Variants in CEP85L observed in about 807,000 individuals in gnomAD.
CEP85L encodes the protein centrosomal protein 85L.
In CEP85L, 60 loss-of-function variants were observed where a neutral mutation model predicts 100.3. That is an observed-to-expected ratio of 0.60 (90% CI 0.49 to 0.74). CEP85L has a LOEUF of 0.74. Ranked by LOEUF, CEP85L falls within the 30% of genes least tolerant of loss-of-function variation. The pLI is 0.00. For missense variants in CEP85L, 973 were observed against 936.2 expected (o/e 1.04, Z -0.51); for synonymous variants, 319 against 322.7 (o/e 0.99, Z 0.12).
rs374497788 is a variant in CEP85L at position 118,511,322 on chromosome 6, C to T, written c.1233G>A (p.Glu411=). The change falls in exon 5 of 13, where the codon GAG becomes GAA. Residue 411 remains glutamate (E), a synonymous_variant. Transcript: ENST00000368491. ...CCTGCAAACTAGCCACATAAGAATC[C>T]TCACAATTTACATAATGTCCTAACA... ...HAMLGHYVNC[E]DSYVASLQPQ... 9.3e-6 allele frequency: 15 copies of T among 1,611,990 alleles called. No homozygotes were observed. The African/African-American group carries it at 2.0e-4, about 22-fold the overall frequency.
chr6:118,477,413 A>T (rs1015029212), intron 10 of CEP85L, among the ~76,000 whole-genome samples: 1 of 152,204 alleles, frequency 6.6e-6, no homozygotes, highest in African/African-American at 2.4e-5. Context: ...CCAGTGACCT[A>T]TAACAGATAA....
At chr6:118,646,612 T>G (rs1775211335) in intron 1 of CEP85L, among the ~76,000 whole-genome samples, 2 of 151,622 alleles carry the variant, frequency 1.3e-5, no homozygotes, top group African/African-American at 4.9e-5. Context: ...GAGGTTGCTG[T>G]GAGCCGAGAT....
intron 1 of CEP85L, among the ~76,000 whole-genome samples, chr6:118,637,572 G>C (rs185904662): frequency 1.5e-3 from 220 of 150,692 alleles, no homozygotes; most frequent in African/African-American, 5.2e-3. Flanking sequence ...AAATGCCTCT[G>C]TGCATGGTGG....
intron 2 of CEP85L, among the ~76,000 whole-genome samples, chr6:118,590,669 C>CT (rs1476826599): frequency 6.6e-6 from 1 of 152,122 alleles, no homozygotes; most frequent in Non-Finnish European, 1.5e-5. Context: ...TGGAGCCCCC[C>CT]TCCATCTCTG....
At chr6:118,574,522 AT>A (rs967153780) in intron 2 of CEP85L, among the ~76,000 whole-genome samples, 17 of 152,304 alleles carry the variant, frequency 1.1e-4, no homozygotes, top group East Asian at 5.8e-4. Flanking sequence ...CCCATCTGGG[AT>A]ATCATTCTCC....
At chr6:118,484,023 A>ATTCAC (rs771774650) in intron 6 of CEP85L, among the ~76,000 whole-genome samples, 165 bp from the exon 7 acceptor site, 178 of 152,212 alleles carry the variant, frequency 1.2e-3, no homozygotes, top group Non-Finnish European at 2.0e-3. Flanking sequence ...TCTAAGATTT[A>ATTCAC]CACTTGCCGG....
chr6:118,648,464 G>A (rs1322108649), intron 1 of CEP85L, among the ~76,000 whole-genome samples: 2 of 152,012 alleles, frequency 1.3e-5, no homozygotes, highest in East Asian at 1.9e-4. Context: ...TCTATAAGCC[G>A]GGCGCGGTGG....
At position 118,483,456 on chromosome 6, in the gene CEP85L, G is replaced by T. The variant is rs560417474; in HGVS notation, c.1590+250C>A. Among the ~76,000 whole-genome samples, 4 of 152,214 alleles carry T rather than the reference G, an allele frequency of 2.6e-5. No homozygotes were observed. The South Asian group carries it at 6.2e-4, about 24-fold the overall frequency. On this transcript the variant is annotated intron_variant, in intron 7 of 12. Transcript: ENST00000368491. ...CATGTGTATGGGGTAGAGGTTGGCA[G>T]ACTGGTTTAGAAACTAACTTCTACA...
At chr6:118,478,052 A>T (rs1354658991) in intron 10 of CEP85L, among the ~76,000 whole-genome samples, 1 of 152,132 alleles carries the variant, frequency 6.6e-6, no homozygotes. Flanking sequence ...AAGGAAGTAG[A>T]AAGTGAAGGG....
intron 2 of CEP85L, among the ~76,000 whole-genome samples, chr6:118,621,685 C>T (rs1388046779): frequency 6.6e-6 from 1 of 152,180 alleles, no homozygotes; most frequent in Admixed American, 6.5e-5. Flanking sequence ...CTGCCAACAA[C>T]AAATTAAATA....
At chr6:118,574,805 A>G (rs1404304200) in intron 2 of CEP85L, among the ~76,000 whole-genome samples, 2 of 152,166 alleles carry the variant, frequency 1.3e-5, no homozygotes, top group African/African-American at 4.8e-5. Flanking sequence ...TGAGACATAC[A>G]ATTAAGTGCG....
At position 118,672,013 on chromosome 6, in the gene CEP85L, TA is replaced by T. The variant is rs573635668; in HGVS notation, c.-27-19206del. ...AGGGAGGAAGGTTTTTCTTTACAAA[TA>T]ATTTGACGTATTATTCTCTTTTTTT... On this transcript the variant is annotated intron_variant, in intron 1 of 13. Coordinates refer to the CEP85L transcript ENST00000368488. Among the ~76,000 whole-genome samples the T allele has an allele frequency of 2.4e-4, 36 of 152,292 alleles. No homozygotes were observed. In the East Asian group the frequency reaches 6.9e-3, roughly 29 times the overall value.
chr6:118,465,456 T>C lies in CEP85L; in HGVS notation c.2367A>G (p.Thr789=). The C allele has an allele frequency of 6.2e-7, 1 of 1,613,642 alleles. No homozygotes were observed. Among genetic ancestry groups the C allele is most frequent in the Non-Finnish European group, 8.5e-7 (1 of 1,179,654 alleles). ...LRRDIDELRT[T]ISDRYAQDMG... ...TGTCCTGAGCATAGCGGTCTGATAT[T>C]GTAGTCCTTAATTCATCAATGTCTC... Residue 789 remains threonine (T), a synonymous_variant, in exon 13 of 13, where the codon ACA becomes ACG. Coordinates refer to ENST00000368491, the MANE Select transcript of CEP85L (RefSeq NM_001042475.3).
chr6:118,594,945 G>A (rs1781388081), intron 2 of CEP85L, among the ~76,000 whole-genome samples: 1 of 151,812 alleles, frequency 6.6e-6, no homozygotes, highest in Admixed American at 6.6e-5. Flanking sequence ...TGCCTATCAG[G>A]AGCCACATGA....
At chr6:118,535,149 A>G (rs1045537088) in intron 3 of CEP85L, among the ~76,000 whole-genome samples, 2 of 152,236 alleles carry the variant, frequency 1.3e-5, no homozygotes, top group Admixed American at 6.5e-5. Flanking sequence ...GGTCTGTAAG[A>G]TAAACGGATA....
intron 1 of CEP85L, among the ~76,000 whole-genome samples, chr6:118,677,603 G>C (rs1776522182): frequency 6.6e-6 from 1 of 152,164 alleles, no homozygotes; most frequent in South Asian, 2.1e-4. Context: ...TGTCTACCAA[G>C]TATTACCAGC....
chr6:118,604,725 C>A (rs1562301675), intron 2 of CEP85L, among the ~76,000 whole-genome samples: 1 of 152,304 alleles, frequency 6.6e-6, no homozygotes, highest in African/African-American at 2.4e-5. Context: ...CAGGCCTTAT[C>A]TAGAATCTAA....
At chr6:118,533,391 CAA>C (rs1356880591) in intron 3 of CEP85L, among the ~76,000 whole-genome samples, 3 of 152,058 alleles carry the variant, frequency 2.0e-5, no homozygotes, top group African/African-American at 7.2e-5. Flanking sequence ...TTAAAAAACA[CAA>C]ACTTACCCAA....
At position 118,556,803 on chromosome 6, in the gene CEP85L, A is replaced by G. The variant is rs547705340; in HGVS notation, c.1020+8726T>C. 3.3e-5 allele frequency among the ~76,000 whole-genome samples: 5 copies of G among 152,318 alleles called. No homozygotes were observed. In the South Asian group the frequency reaches 8.3e-4, roughly 25 times the overall value. ...ATTTTTCTTATTTCAAAATTGACAC[A>G]TAAGTATACTGATTGAAAACAAAAT... On this transcript the variant is annotated intron_variant, in intron 3 of 12. Coordinates refer to ENST00000368491, the MANE Select transcript of CEP85L (RefSeq NM_001042475.3).
Sources: gnomAD v4.1 joint callset for allele counts (sites outside exome capture counted in the v4.1 genomes callset) on GRCh38, gnomAD v4.1.1 for gene constraint, MANE v1.5 for transcripts, NCBI Gene and HGNC (gene_info 2026-07-23, HGNC 2026-07-21) for gene names.